The following DST variants were observed in gnomAD, a reference collection of about 807,000 sequenced individuals.
DST encodes the protein dystonin.
Under a neutral mutation model 875.2 loss-of-function variants are expected in DST, and 253 were observed. The ratio of observed to expected loss-of-function variants is 0.29; its 90% CI spans 0.26 to 0.32. The LOEUF (loss-of-function observed/expected upper bound fraction) is 0.32, where lower values mean the gene tolerates loss of function less well. Among genes scored for constraint, DST ranks in the 10% least tolerant of loss-of-function variants. DST has a pLI of 1.00. For missense variants in DST, 8,287 were observed against 9,111.6 expected, an observed-to-expected ratio of 0.91 and a Z score of 3.68; for synonymous variants, 3,124 against 3,197.1, an observed-to-expected ratio of 0.98 and a Z score of 0.77.
chr6:56,914,220 C>T (rs57331007), intron 2 of DST, among the ~76,000 whole-genome samples: 2,929 of 152,262 alleles, frequency 0.019, 92 homozygotes, highest in African/African-American at 0.066. Flanking sequence ...ATGGAACCAA[C>T]AATGCACCCA....
At chr6:56,513,161 T>C (rs1459078874) in intron 72 of DST, among the ~76,000 whole-genome samples, 1 of 152,010 alleles carries the variant, frequency 6.6e-6, no homozygotes, top group African/African-American at 2.4e-5. Context: ...GGAGTTCCTT[T>C]GGGTCTAGGT....
chr6:56,868,448 T>C (rs2127603769), intron 3 of DST, among the ~76,000 whole-genome samples: 1 of 152,350 alleles, frequency 6.6e-6, no homozygotes, highest in East Asian at 1.9e-4. Context: ...AGCCTCTTTA[T>C]ATAGTTACCC....
chr6:56,710,650 T>A (rs948409884), intron 5 of DST, among the ~76,000 whole-genome samples: 4 of 152,192 alleles, frequency 2.6e-5, no homozygotes, highest in Non-Finnish European at 5.9e-5. Flanking sequence ...AGAAAATTAA[T>A]GCTTTTAAAA....
intron 3 of DST, among the ~76,000 whole-genome samples, chr6:56,873,591 T>C (rs1039891232): frequency 6.6e-6 from 1 of 152,214 alleles, no homozygotes; most frequent in Non-Finnish European, 1.5e-5. Flanking sequence ...GAAGGCATTA[T>C]GTTAAGTGCA....
In DST at chr6:56,929,358, T is replaced by C. The variant is rs141462687; in HGVS notation, c.216+24427A>G. Among the ~76,000 whole-genome samples, 355 of 152,276 alleles carry C rather than the reference T, an allele frequency of 2.3e-3. 3 individuals carry two copies. Among genetic ancestry groups the C allele is most frequent in the Middle Eastern group, 0.014 (4 of 294 alleles). The stretch of plus-strand genomic sequence containing the variant: ...GATTAGCTAAATTATGTTCATGCGT[T>C]CAATAGAATACTATGCACCTACAAA... On this transcript the variant is annotated intron_variant, in intron 2 of 103. Transcript: ENST00000680361.
At chr6:56,562,247 T>A in intron 55 of DST, 47 bp from the exon 56 acceptor site, 1 of 1,348,852 alleles carries the variant, frequency 7.4e-7, no homozygotes, top group Non-Finnish European at 1.0e-6. Context: ...ATAGTATTTC[T>A]ATACATTAAC....
At chr6:56,586,754 A>G (rs2098161189) in intron 49 of DST, among the ~76,000 whole-genome samples, 1 of 152,162 alleles carries the variant, frequency 6.6e-6, no homozygotes, top group South Asian at 2.1e-4. Context: ...GCGGTTCACG[A>G]AAATCCGCTC....
chr6:56,882,148 G>A lies in DST; in HGVS notation c.417+18273C>T, dbSNP rs80042757. Reference sequence around the variant, plus strand: ...CAATATGTCAGAACTGATTATCATAGTTCAAGAGAAATGGTTGTCCTGATG... The same window carrying A: ...CAATATGTCAGAACTGATTATCATAATTCAAGAGAAATGGTTGTCCTGATG... On this transcript the variant is annotated intron_variant, in intron 3 of 103. Coordinates refer to ENST00000680361, the MANE Select transcript of DST (RefSeq NM_001374736.1). Among the ~76,000 whole-genome samples, 7 of 152,356 alleles carry A rather than the reference G, an allele frequency of 4.6e-5. No individual in the cohort carries two copies. In the East Asian group the frequency reaches 1.3e-3, roughly 29 times the overall value.
At chr6:56,908,663 G>A (rs9475751) in intron 2 of DST, among the ~76,000 whole-genome samples, 4,535 of 152,224 alleles carry the variant, frequency 0.03, 196 homozygotes, top group African/African-American at 0.1. Context: ...ATTCCCAGAC[G>A]GTTAAAGCAT....
intron 5 of DST, among the ~76,000 whole-genome samples, chr6:56,719,532 C>T (rs2099406876): frequency 6.6e-6 from 1 of 152,206 alleles, no homozygotes; most frequent in Non-Finnish European, 1.5e-5. Flanking sequence ...AACCTTGACA[C>T]ACACGTAACT....
intron 61 of DST, among the ~76,000 whole-genome samples, chr6:56,550,965 T>C (rs566362353): frequency 4.6e-4 from 70 of 152,310 alleles, no homozygotes; most frequent in African/African-American, 1.7e-3. Context: ...TACAAAAATT[T>C]GACAGAGCAA....
In DST at chr6:56,954,705, C is replaced by A. The variant is rs1015352511; in HGVS notation, c.-118G>T. The A allele has an allele frequency of 4.0e-5, 23 of 578,070 alleles. No individual in the cohort carries two copies. The highest frequency in any genetic ancestry group is 4.2e-5 in the Non-Finnish European group (19 of 447,386). The allele number at this position is 578,070 out of a possible 1,614,324, so 35.8% of individuals were successfully genotyped here. On this transcript the variant is annotated 5_prime_UTR_variant, in exon 1 of 104. The change creates a new upstream start codon in the 5' untranslated region. Transcript: ENST00000680361. ...GTGAGCGCGGCTCAGCGCGTCATGC[C>A]TGGCGCTCGCGGCCCCGCGCCCAGC...
intron 3 of DST, among the ~76,000 whole-genome samples, chr6:56,874,048 T>C (rs1322947002): frequency 2.7e-4 from 41 of 152,118 alleles, no homozygotes; most frequent in Admixed American, 2.6e-3. Flanking sequence ...TACAAGGCTG[T>C]AGTATACTTT....
At chr6:56,637,752 TG>T (rs887159624) in intron 22 of DST, among the ~76,000 whole-genome samples, 2 of 152,074 alleles carry the variant, frequency 1.3e-5, no homozygotes, top group Non-Finnish European at 2.9e-5. Flanking sequence ...TGCAATTCAT[TG>T]ATTTCCAGAA....
At chr6:56,466,578 T>C (rs912332612) in intron 98 of DST, 2 of 154,848 alleles carry the variant, frequency 1.3e-5, no homozygotes, top group African/African-American at 4.8e-5. Flanking sequence ...CAAAATAAAA[T>C]GATTCTAAGA....
chr6:56,786,374 G>T (rs1228791930), intron 4 of DST, among the ~76,000 whole-genome samples: 1 of 152,094 alleles, frequency 6.6e-6, no homozygotes. Flanking sequence ...ATCTTGTCTG[G>T]CCATTTACAA....
At chr6:56,721,521 T>G (rs2099416650) in intron 5 of DST, among the ~76,000 whole-genome samples, 1 of 152,232 alleles carries the variant, frequency 6.6e-6, no homozygotes, top group South Asian at 2.1e-4. Context: ...TAAATGTCCA[T>G]GAAATCTTCA....
chr6:56,594,242 A>G (rs1281250477), intron 47 of DST, 49 bp from the exon 48 acceptor site: 1 of 1,451,586 alleles, frequency 6.9e-7, no homozygotes, highest in African/African-American at 1.4e-5. Flanking sequence ...ACGGGGTAAC[A>G]CCTGCAGGGA....
At chr6:56,717,207 A>AAAT (rs2099398518) in intron 5 of DST, among the ~76,000 whole-genome samples, 1 of 151,354 alleles carries the variant, frequency 6.6e-6, no homozygotes, top group Non-Finnish European at 1.5e-5. Context: ...ATAAATAAAT[A>AAAT]AATAAATAAA....
Sources: allele counts gnomAD v4.1 joint callset (sites outside exome capture counted in the v4.1 genomes callset), GRCh38; gene constraint gnomAD v4.1.1; transcripts MANE v1.5; gene names NCBI Gene and HGNC (gene_info 2026-07-23, HGNC 2026-07-21).